The following DYNC1I2 variants were observed in gnomAD, a reference collection of about 807,000 sequenced individuals.
DYNC1I2 encodes the protein dynein cytoplasmic 1 intermediate chain 2.
Under a neutral mutation model 88.6 loss-of-function variants are expected in DYNC1I2, and 53 were observed. The ratio of observed to expected loss-of-function variants is 0.60; its 90% CI spans 0.48 to 0.75. The LOEUF (loss-of-function observed/expected upper bound fraction) is 0.75, where lower values mean the gene tolerates loss of function less well. Among genes scored for constraint, DYNC1I2 ranks in the 30% least tolerant of loss-of-function variants. The pLI is 0.00. For synonymous variants in DYNC1I2, 198 were observed against 254.6 expected (o/e 0.78, Z 2.12); for missense variants, 458 against 766.6 (o/e 0.60, Z 4.75).
At chr2:171,738,267 G>A (rs1689152631) in intron 15 of DYNC1I2, among the ~76,000 whole-genome samples, 3 of 152,064 alleles carry the variant, frequency 2.0e-5, no homozygotes, top group African/African-American at 7.2e-5. Context: ...GAGAGGTGGA[G>A]GTTGCAGTGA....
chr2:171,712,016 T>A (rs749970655), intron 5 of DYNC1I2, among the ~76,000 whole-genome samples: 2 of 152,234 alleles, frequency 1.3e-5, no homozygotes, highest in Non-Finnish European at 2.9e-5. Flanking sequence ...AAAGATCCTC[T>A]GTAAGTTACT....
rs746554135 is a variant in DYNC1I2 at position 171,744,115 on chromosome 2, A to G, written c.1603A>G (p.Thr535Ala). Residue 535 changes from threonine (T) to alanine (A), a missense_variant, in exon 16 of 18, where the codon ACC becomes GCC. Physicochemically the swap from Thr to Ala is moderately conservative, Grantham distance 58. Coordinates refer to ENST00000397119, the MANE Select transcript of DYNC1I2 (RefSeq NM_001378.3). ...DYVYDVMWSPTHPALFACVDG... is the reference protein window; with the variant it reads ...DYVYDVMWSPAHPALFACVDG... ...TGTTTATGATGTTATGTGGTCACCT[A>G]CCCACCCAGCCCTGTTTGCCTGTGT... The G allele has an allele frequency of 1.2e-6, 2 of 1,613,336 alleles. No individual in the cohort carries two copies. The highest frequency in any genetic ancestry group is 1.3e-5 in the African/African-American group (1 of 74,922).
chr2:171,733,384 A>T (rs1413844210), intron 15 of DYNC1I2, among the ~76,000 whole-genome samples: 1 of 144,642 alleles, frequency 6.9e-6, no homozygotes, highest in Non-Finnish European at 1.5e-5. Context: ...GAATCACCAC[A>T]CTGTCTTCCA....
Position 171,728,851 on chromosome 2 carries a change from G to A in DYNC1I2, c.1391+1G>A. 1.9e-6 allele frequency: 3 copies of A among 1,601,722 alleles called. No individual in the cohort carries two copies. ...TGTACACAGCATGCCGCCATGGCAG[G>A]TAAACCTAAACTGGAATTTGCAATA... On this transcript the variant is annotated splice_donor_variant, in intron 14 of 17. Coordinates refer to ENST00000397119, the MANE Select transcript of DYNC1I2 (RefSeq NM_001378.3). LOFTEE classifies it high-confidence loss of function.
At chr2:171,697,455 A>G (rs1021326043) in intron 3 of DYNC1I2, among the ~76,000 whole-genome samples, 2 of 152,304 alleles carry the variant, frequency 1.3e-5, no homozygotes, top group South Asian at 4.1e-4. Context: ...GCATTCTCAC[A>G]TTTAGCTTTT....
intron 5 of DYNC1I2, among the ~76,000 whole-genome samples, chr2:171,710,810 C>G (rs1687067015): frequency 6.6e-6 from 1 of 150,868 alleles, no homozygotes; most frequent in Non-Finnish European, 1.5e-5. Context: ...TCAAGCAACT[C>G]TCCTGCCTCA....
intron 3 of DYNC1I2, among the ~76,000 whole-genome samples, chr2:171,698,287 C>T (rs1295577744): frequency 6.6e-6 from 1 of 152,038 alleles, no homozygotes; most frequent in African/African-American, 2.4e-5. Flanking sequence ...TTTTGGTTAC[C>T]CTAAATGTTA....
Position 171,726,278 on chromosome 2 carries a change from G to T in DYNC1I2, c.855G>T (p.Leu285Phe). 1 of 1,610,282 alleles carries T rather than the reference G, an allele frequency of 6.2e-7. No individual in the cohort carries two copies. The highest frequency in any genetic ancestry group is 2.2e-5 in the East Asian group (1 of 44,772). ...RWSKHRVVSC[L>F]DWSSQYPELL... The stretch of plus-strand genomic sequence containing the variant: ...CAAAGCATCGGGTGGTTAGTTGTTT[G>T]GATTGGTCATCTCAGGTAAAATATA... The change falls in exon 10 of 18, where the codon TTG becomes TTT. Residue 285 changes from leucine to phenylalanine, a missense_variant. Leu to Phe is a conservative substitution (Grantham distance 22). This residue lies in a region of DYNC1I2 where 203 missense variants were observed against 354.2 expected (regional missense o/e 0.57). Transcript: ENST00000397119.
intron 3 of DYNC1I2, among the ~76,000 whole-genome samples, chr2:171,696,612 A>C (rs949689327): frequency 3.3e-5 from 5 of 152,172 alleles, no homozygotes; most frequent in Non-Finnish European, 4.4e-5. Context: ...TTTTAAAAAT[A>C]GTATGAGGTA....
chr2:171,728,286 CT>C lies in DYNC1I2; in HGVS notation c.1144-12del, dbSNP rs775844605. ...TTTTTGGTACAATAATCCCTGAAAA[CT>C]TTTTTTAATATCTCTAGCACCCTGT... On this transcript the variant is annotated intron_variant, in intron 12 of 17. Coordinates refer to ENST00000397119, the MANE Select transcript of DYNC1I2 (RefSeq NM_001378.3). 8 of 1,464,534 alleles carry C rather than the reference CT, an allele frequency of 5.5e-6. No homozygotes were observed. The South Asian group carries it at 8.3e-5, about 15-fold the overall frequency. 90.7% of individuals were successfully genotyped at this position (1,464,534 alleles called of 1,614,324 possible). A position where few individuals can be genotyped will look rare whatever the true frequency, so the allele number is the denominator to read the frequency against.
intron 6 of DYNC1I2, among the ~76,000 whole-genome samples, chr2:171,714,903 TCTC>T (rs1198044373): frequency 1.3e-5 from 2 of 152,126 alleles, no homozygotes; most frequent in African/African-American, 4.8e-5. Flanking sequence ...AAAGCTGAAT[TCTC>T]CTAGTGGCAC....
chr2:171,727,588 C>T (rs1167266633), intron 11 of DYNC1I2, among the ~76,000 whole-genome samples: 1 of 151,966 alleles, frequency 6.6e-6, no homozygotes, highest in Non-Finnish European at 1.5e-5. Context: ...ATTAGTTAAA[C>T]CTACTTAATA....
At chr2:171,704,366 A>C (rs935529073) in intron 3 of DYNC1I2, among the ~76,000 whole-genome samples, 7 of 140,092 alleles carry the variant, frequency 5.0e-5, no homozygotes, top group African/African-American at 1.9e-4. Flanking sequence ...TTCTTCTGTG[A>C]CAGTTGTCAA....
At chr2:171,716,292 T>TA (rs959520322) in intron 7 of DYNC1I2, among the ~76,000 whole-genome samples, 8 of 152,176 alleles carry the variant, frequency 5.3e-5, no homozygotes, top group Admixed American at 1.3e-4. Flanking sequence ...CAGCAAAACA[T>TA]ATGAACATAC....
At chr2:171,730,912 T>G (rs757619729) in intron 15 of DYNC1I2, among the ~76,000 whole-genome samples, 7 of 152,208 alleles carry the variant, frequency 4.6e-5, no homozygotes, top group Non-Finnish European at 8.8e-5. Flanking sequence ...TTCTTGTCCT[T>G]TCTTGATGCC....
intron 15 of DYNC1I2, among the ~76,000 whole-genome samples, chr2:171,737,956 AT>A (rs1033427195): frequency 2.0e-5 from 3 of 152,058 alleles, no homozygotes; most frequent in Non-Finnish European, 2.9e-5. Context: ...AATCTTTTAT[AT>A]TATAAATACA....
At position 171,690,552 on chromosome 2, in the gene DYNC1I2, G is replaced by A. The variant is rs538588062; in HGVS notation, c.108+289G>A. Among the ~76,000 whole-genome samples the A allele has an allele frequency of 6.6e-5, 10 of 151,616 alleles. No homozygotes were observed. The South Asian group carries it at 2.1e-3, about 32-fold the overall frequency. On this transcript the variant is annotated intron_variant, in intron 2 of 17. Coordinates refer to ENST00000397119, the MANE Select transcript of DYNC1I2 (RefSeq NM_001378.3). Reference sequence around the variant, plus strand: ...TAAAAACAATTTCGTATAGATTGATGCATTTCTAAAATTTGATTTATTAAA... The same window carrying A: ...TAAAAACAATTTCGTATAGATTGATACATTTCTAAAATTTGATTTATTAAA...
At chr2:171,702,086 A>T (rs1222886530) in intron 3 of DYNC1I2, among the ~76,000 whole-genome samples, 1 of 152,202 alleles carries the variant, frequency 6.6e-6, no homozygotes, top group Non-Finnish European at 1.5e-5. Flanking sequence ...TAGGCATGTG[A>T]GATTGTGTTT....
intron 17 of DYNC1I2, among the ~76,000 whole-genome samples, chr2:171,746,858 G>A (rs528466356): frequency 6.6e-6 from 1 of 152,198 alleles, no homozygotes; most frequent in African/African-American, 2.4e-5. Context: ...TAACATGACA[G>A]TGTCAGACTC....
Sources: gnomAD v4.1 joint callset for allele counts (sites outside exome capture counted in the v4.1 genomes callset) on GRCh38, gnomAD v4.1.1 for gene constraint, gnomAD v4.1.1 regional missense constraint, MANE v1.5 for transcripts, NCBI Gene and HGNC (gene_info 2026-07-23, HGNC 2026-07-21) for gene names.